Variants in NLRP3 observed in about 807,000 individuals in gnomAD.
NLRP3 encodes NLR family pyrin domain containing 3, also known as NACHT, LRR and PYD domains-containing protein 3.
A neutral mutation model predicts 91.3 loss-of-function variants in NLRP3; 48 were observed. The observed-to-expected ratio is 0.53, with a 90% CI of 0.42 to 0.67. The LOEUF (loss-of-function observed/expected upper bound fraction) is 0.67. Ranked by LOEUF, NLRP3 falls within the 30% of genes least tolerant of loss-of-function variation. NLRP3 has a pLI of 0.00. For synonymous variants in NLRP3, 561 were observed against 507.9 expected, an observed-to-expected ratio of 1.10 and a Z score of -1.41; for missense variants, 982 against 1,276.9, an observed-to-expected ratio of 0.77 and a Z score of 3.52.
At chr1:247,445,482 G>A (rs1207794565) in intron 9 of NLRP3, among the ~76,000 whole-genome samples, 3 of 152,314 alleles carry the variant, frequency 2.0e-5, no homozygotes, top group Middle Eastern at 3.4e-3. Context: ...TTACAGGTGT[G>A]AGCCTCCGTG....
At chr1:247,441,133 TTC>T (rs1558207126) in intron 7 of NLRP3, among the ~76,000 whole-genome samples, 3 of 21,960 alleles carry the variant, frequency 1.4e-4, no homozygotes, top group Admixed American at 7.6e-4. Flanking sequence ...CTTTTTCTCT[TTC>T]TTTCTTTCTT....
chr1:247,440,409 T>A (rs1345631778), intron 7 of NLRP3, among the ~76,000 whole-genome samples: 1 of 152,096 alleles, frequency 6.6e-6, no homozygotes, highest in Non-Finnish European at 1.5e-5. Context: ...CTACCACTCA[T>A]CACTACACCA....
In NLRP3 at chr1:247,448,386, T is replaced by G; in HGVS notation, c.3006-19T>G. 7.0e-7 allele frequency: 1 copy of G among 1,432,820 alleles called. No individual in the cohort carries two copies. The allele number at this position is 1,432,820 out of a possible 1,614,324, so 88.8% of individuals were successfully genotyped here. On this transcript the variant is annotated intron_variant, in intron 9 of 9. Coordinates refer to ENST00000336119, the MANE Select transcript of NLRP3 (RefSeq NM_001243133.2). Reference sequence around the variant, plus strand: ...GTTATCTGAAGAGTGCAACCCAGGCTTTCTATTTGCTTTTACAGGTTGTCT... The same window carrying G: ...GTTATCTGAAGAGTGCAACCCAGGCGTTCTATTTGCTTTTACAGGTTGTCT...
At chr1:247,426,388 C>T (rs1241327114) in intron 4 of NLRP3, among the ~76,000 whole-genome samples, 2 of 152,090 alleles carry the variant, frequency 1.3e-5, no homozygotes, top group Non-Finnish European at 2.9e-5. Flanking sequence ...CTTCTGAGTC[C>T]CTTTTGGGTT....
At position 247,425,720 on chromosome 1, in the gene NLRP3, A is replaced by C; in HGVS notation, c.2150+121A>C. ...ATACTGTTGCCACAGCTACATCATA[A>C]TGCCACCACTGTCTGTTTGAGACTC... On this transcript the variant is annotated intron_variant, in intron 4 of 9. Coordinates refer to ENST00000336119, the MANE Select transcript of NLRP3 (RefSeq NM_001243133.2). This position sits in a 1 kb window ranked among gnomAD's most constrained non-coding sequence, Gnocchi z 4.1. 1.1e-6 allele frequency: 1 copy of C among 888,074 alleles called. No homozygotes were observed. Among genetic ancestry groups the C allele is most frequent in the Non-Finnish European group, 1.8e-6 (1 of 553,230 alleles). The allele number at this position is 888,074 out of a possible 1,614,324, so 55.0% of individuals were successfully genotyped here.
chr1:247,426,519 C>T (rs1365207248), intron 4 of NLRP3, among the ~76,000 whole-genome samples: 1 of 152,216 alleles, frequency 6.6e-6, no homozygotes, highest in Non-Finnish European at 1.5e-5. Context: ...TTAAGGGAAA[C>T]AGGAGGCTTG....
chr1:247,430,480 C>T (rs1663234382), intron 5 of NLRP3, among the ~76,000 whole-genome samples: 1 of 152,022 alleles, frequency 6.6e-6, no homozygotes, highest in East Asian at 1.9e-4. Context: ...CTTTAAAGAC[C>T]CCATTTCCCA....
chr1:247,445,495 T>C (rs6659500), intron 9 of NLRP3, among the ~76,000 whole-genome samples: 145,604 of 152,260 alleles, frequency 0.96, 69,662 homozygotes, highest in East Asian at 1. Flanking sequence ...CCTCCGTGCC[T>C]GGCGGTTTCT....
At chr1:247,431,486 C>T (rs1473347820) in intron 5 of NLRP3, among the ~76,000 whole-genome samples, 1 of 152,210 alleles carries the variant, frequency 6.6e-6, no homozygotes, top group Non-Finnish European at 1.5e-5. Context: ...CCTCACCCCA[C>T]CAGCCCAGGT....
intron 4 of NLRP3, among the ~76,000 whole-genome samples, chr1:247,426,252 T>C (rs374239247): frequency 4.3e-4 from 65 of 152,310 alleles, no homozygotes; most frequent in African/African-American, 1.5e-3. Flanking sequence ...AGACCCTCTT[T>C]CTAGGCCCCC....
intron 9 of NLRP3, among the ~76,000 whole-genome samples, chr1:247,446,017 C>T (rs1448663489): frequency 6.6e-6 from 1 of 152,218 alleles, no homozygotes; most frequent in African/African-American, 2.4e-5. Context: ...TAGATCCACA[C>T]CCTTGCTACT....
Position 247,425,807 on chromosome 1 carries a change from A to G in NLRP3, c.2150+208A>G, listed in dbSNP as rs1662833979. On this transcript the variant is annotated intron_variant, in intron 4 of 9. Coordinates refer to ENST00000336119, the MANE Select transcript of NLRP3 (RefSeq NM_001243133.2). This position sits in a 1 kb window ranked among gnomAD's most constrained non-coding sequence, Gnocchi z 4.1. ...AATGGGATGAGGAAAAAAAAAATAA[A>G]ACAAGGAACAAATGTTTGGGGAATG... 1 of 593,864 alleles carries G rather than the reference A, an allele frequency of 1.7e-6. No homozygotes were observed. Among genetic ancestry groups the G allele is most frequent in the Non-Finnish European group, 3.0e-6 (1 of 333,802 alleles). The allele number at this position is 593,864 out of a possible 1,614,324, so 36.8% of individuals were successfully genotyped here. A position where few individuals can be genotyped will look rare whatever the true frequency, so the allele number is the denominator to read the frequency against.
chr1:247,425,497 A>G lies in NLRP3; in HGVS notation c.2048A>G (p.His683Arg), dbSNP rs1662805530. The G allele has an allele frequency of 1.5e-5, 24 of 1,614,064 alleles. No individual in the cohort carries two copies. The highest frequency in any genetic ancestry group is 1.9e-5 in the Non-Finnish European group (23 of 1,180,044). The change falls in exon 4 of 10, where the codon CAT (histidine) becomes CGT (arginine). Residue 683 changes from histidine to arginine, a missense_variant. By Grantham distance (29) the His-to-Arg change is conservative. Around this residue, in one of 5 missense-constraint regions of NLRP3, gnomAD observed 373 missense variants for 431.5 expected, o/e 0.86. Transcript: ENST00000336119. This position sits in a 1 kb window ranked among gnomAD's most constrained non-coding sequence, Gnocchi z 4.1. ...GAGTCACTGTCCCTGGGGTTTCTCC[A>G]TAACATGCCCAAGGAGGAAGAGGAG... ...RVESLSLGFL[H>R]NMPKEEEEEE...
At chr1:247,416,254 G>C (rs1472234538) in intron 1 of NLRP3, 61 bp downstream of exon 1, 1 of 152,434 alleles carries the variant, frequency 6.6e-6, no homozygotes, top group Non-Finnish European at 1.5e-5. Context: ...GGGGGAGATT[G>C]TGTTCAGAGG....
rs1400182107 is a variant in NLRP3, at chr1:247,420,832, TGATGCA to T, written c.277+1758_277+1763del. Among the ~76,000 whole-genome samples, 7 of 152,334 alleles carry T rather than the reference TGATGCA, an allele frequency of 4.6e-5. No homozygotes were observed. The East Asian group carries it at 1.2e-3, about 25-fold the overall frequency. On this transcript the variant is annotated intron_variant, in intron 2 of 9. Coordinates refer to ENST00000336119, the MANE Select transcript of NLRP3 (RefSeq NM_001243133.2). The stretch of plus-strand genomic sequence containing the variant: ...GCTTTCTCTAACTCCTTTAAAAAGC[TGATGCA>T]GACTGTACCTACCCCCTGGGCACCT...
intron 9 of NLRP3, among the ~76,000 whole-genome samples, chr1:247,446,370 C>T (rs1168402141): frequency 6.6e-6 from 1 of 152,240 alleles, no homozygotes; most frequent in African/African-American, 2.4e-5. Flanking sequence ...TTGTCAACAT[C>T]GTCTTCTTAT....
chr1:247,440,457 C>A (rs899801284), intron 7 of NLRP3, among the ~76,000 whole-genome samples: 1 of 152,146 alleles, frequency 6.6e-6, no homozygotes, highest in Non-Finnish European at 1.5e-5. Context: ...AAAATATTGA[C>A]CCTTTGTTCA....
chr1:247,418,749 T>C lies in NLRP3; in HGVS notation c.-52T>C, dbSNP rs765663232. The C allele has an allele frequency of 6.2e-7, 1 of 1,610,524 alleles. No homozygotes were observed. The highest frequency in any genetic ancestry group is 1.1e-5 in the South Asian group (1 of 90,888). ...TCCGTGTGCCGTGTTCACTGCCTGG[T>C]ATCTTAGTGTGGACCGAAGCCTAAG... On this transcript the variant is annotated 5_prime_UTR_variant, in exon 2 of 10. Coordinates refer to ENST00000336119, the MANE Select transcript of NLRP3 (RefSeq NM_001243133.2).
chr1:247,438,580 C>T (rs1663972551), intron 7 of NLRP3, among the ~76,000 whole-genome samples: 2 of 152,252 alleles, frequency 1.3e-5, no homozygotes, highest in East Asian at 3.9e-4. Flanking sequence ...TACGGGGTTT[C>T]ACCATGTTTG....
Sources: gnomAD v4.1 joint callset for allele counts (sites outside exome capture counted in the v4.1 genomes callset) on GRCh38, gnomAD v4.1.1 for gene constraint, gnomAD v4.1.1 regional missense constraint, Gnocchi (gnomAD v3.1) non-coding constraint, MANE v1.5 for transcripts, NCBI Gene and HGNC (gene_info 2026-07-23, HGNC 2026-07-21) for gene names.